MSRB3: variants seen among roughly 807,000 people sequenced by gnomAD.
MSRB3 encodes the protein methionine sulfoxide reductase B3.
A neutral mutation model predicts 21.0 loss-of-function variants in MSRB3; 13 were observed. The observed-to-expected ratio is 0.62, with a 90% CI of 0.40 to 0.98. The LOEUF (loss-of-function observed/expected upper bound fraction) is 0.98, where lower values mean the gene tolerates loss of function less well. Among genes scored for constraint, MSRB3 ranks in the 50% least tolerant of loss-of-function variants. The probability of loss-of-function intolerance (pLI) is 0.00; values close to 1 mark genes in which losing one functional copy is unlikely to be tolerated. For synonymous variants in MSRB3, 87 were observed against 88.6 expected (o/e 0.98, Z 0.10); for missense variants, 199 against 230.3 (o/e 0.86, Z 0.88).
chr12:65,442,300 T>TA (rs2136682434), intron 5 of MSRB3, among the ~76,000 whole-genome samples: 2 of 152,138 alleles, frequency 1.3e-5, no homozygotes, highest in South Asian at 4.2e-4. Context: ...ATCAGGTACA[T>TA]ATATTTATGA....
At chr12:65,303,700 G>C (rs550563199) in intron 1 of MSRB3, among the ~76,000 whole-genome samples, 2 of 152,086 alleles carry the variant, frequency 1.3e-5, no homozygotes, top group Non-Finnish European at 2.9e-5. Context: ...TGTCACTGTC[G>C]TTAAGGGGTT....
At chr12:65,454,659 A>G (rs1037943263) in intron 6 of MSRB3, among the ~76,000 whole-genome samples, 4 of 152,202 alleles carry the variant, frequency 2.6e-5, no homozygotes, top group African/African-American at 9.7e-5. Context: ...GCTACATGAG[A>G]TAAGGTAATT....
intron 1 of MSRB3, among the ~76,000 whole-genome samples, chr12:65,280,605 C>A (rs1220334248): frequency 6.6e-6 from 1 of 152,134 alleles, no homozygotes; most frequent in Non-Finnish European, 1.5e-5. Context: ...ATATATCAGT[C>A]TAATTTCTGA....
intron 5 of MSRB3, among the ~76,000 whole-genome samples, chr12:65,371,957 A>G (rs906165542): frequency 2.6e-5 from 4 of 152,212 alleles, no homozygotes; most frequent in African/African-American, 9.7e-5. Flanking sequence ...TAGTGTGATT[A>G]GCACCCATAT....
chr12:65,399,599 C>T (rs182271385), intron 5 of MSRB3, among the ~76,000 whole-genome samples: 4 of 152,314 alleles, frequency 2.6e-5, no homozygotes, highest in African/African-American at 9.6e-5. Context: ...TTATTTCCTT[C>T]TCTTGCCTGA....
chr12:65,284,266 A>C lies in MSRB3; in HGVS notation c.-52+5401A>C, dbSNP rs190862388. ...GGTTATATAATCCAATAGTTTAGAT[A>C]ATTAATTAAATTGGGAAATAAGTCA... On this transcript the variant is annotated intron_variant, in intron 1 of 6. Transcript: ENST00000308259. 2.6e-5 allele frequency: 4 copies of C among 152,342 alleles called. No homozygotes were observed. The East Asian group carries it at 5.8e-4, about 22-fold the overall frequency. 9.4% of individuals were successfully genotyped at this position (152,342 alleles called of 1,614,324 possible). A position where few individuals can be genotyped will look rare whatever the true frequency, so the allele number is the denominator to read the frequency against.
chr12:65,308,841 C>A (rs1466421409), intron 2 of MSRB3, 186 bp downstream of exon 2: 1 of 745,684 alleles, frequency 1.3e-6, no homozygotes, highest in African/African-American at 1.7e-5. Flanking sequence ...ACAATCCTTA[C>A]AACCCTTGGA....
intron 2 of MSRB3, among the ~76,000 whole-genome samples, chr12:65,313,642 C>T (rs1874122445): frequency 6.6e-6 from 1 of 152,072 alleles, no homozygotes; most frequent in Non-Finnish European, 1.5e-5. Flanking sequence ...CGGATCAGAA[C>T]ACCGTGTTTC....
In MSRB3 at chr12:65,418,745, C is replaced by A. The variant is rs1192122836; in HGVS notation, c.293-34983C>A. The A allele has an allele frequency of 3.6e-5, 33 of 924,070 alleles. No individual in the cohort carries two copies. The South Asian group carries it at 4.1e-4, about 11-fold the overall frequency. The allele number at this position is 924,070 out of a possible 1,614,324, so 57.2% of individuals were successfully genotyped here. The stretch of plus-strand genomic sequence containing the variant: ...GCTTAATGTCTCAGAACTTTGGTGT[C>A]ATTGATCTCAGACACCACTTTGCCA... On this transcript the variant is annotated intron_variant, in intron 5 of 6. Coordinates refer to ENST00000308259, the MANE Select transcript of MSRB3 (RefSeq NM_001031679.3).
intron 5 of MSRB3, among the ~76,000 whole-genome samples, chr12:65,389,655 A>G (rs1245997121): frequency 6.6e-6 from 1 of 151,958 alleles, no homozygotes; most frequent in Non-Finnish European, 1.5e-5. Context: ...TCTGTTATGT[A>G]CTTCATCATT....
intron 4 of MSRB3, among the ~76,000 whole-genome samples, chr12:65,336,894 TCAAA>T (rs1005922664): frequency 5.9e-5 from 9 of 152,192 alleles, no homozygotes; most frequent in Non-Finnish European, 1.2e-4. Flanking sequence ...CATAACATTG[TCAAA>T]CAAAGATACA....
At chr12:65,356,368 T>C (rs1877384739) in intron 4 of MSRB3, among the ~76,000 whole-genome samples, 2 of 151,966 alleles carry the variant, frequency 1.3e-5, no homozygotes, top group Non-Finnish European at 2.9e-5. Context: ...ACTTGTTTGG[T>C]TCTTAGTTCA....
chr12:65,429,461 G>C (rs1393166066), intron 5 of MSRB3, among the ~76,000 whole-genome samples: 1 of 152,098 alleles, frequency 6.6e-6, no homozygotes, highest in African/African-American at 2.4e-5. Flanking sequence ...AGAGTGGTTT[G>C]AGATGTGTTT....
At chr12:65,304,584 T>C (rs1028324909) in intron 1 of MSRB3, among the ~76,000 whole-genome samples, 2 of 152,176 alleles carry the variant, frequency 1.3e-5, no homozygotes, top group African/African-American at 4.8e-5. Flanking sequence ...TATCTGTAAA[T>C]GTCATTCATC....
intron 1 of MSRB3, among the ~76,000 whole-genome samples, chr12:65,292,197 G>A (rs1418377160): frequency 6.6e-6 from 1 of 152,130 alleles, no homozygotes; most frequent in Non-Finnish European, 1.5e-5. Context: ...CAGAGCGTTT[G>A]ATACACTGAC....
chr12:65,436,716 T>C (rs1156844505), intron 5 of MSRB3, among the ~76,000 whole-genome samples: 1 of 151,982 alleles, frequency 6.6e-6, no homozygotes, highest in Non-Finnish European at 1.5e-5. Context: ...TTTTCTAGCT[T>C]TCAGAAATGT....
At position 65,453,722 on chromosome 12, in the gene MSRB3, T is replaced by C. The variant is rs75990461; in HGVS notation, c.293-6T>C. The C allele has an allele frequency of 5.1e-3, 8,272 of 1,611,986 alleles. 394 individuals are homozygous for C. In the African/African-American group the frequency reaches 0.099, roughly 19 times the overall value. On this transcript the variant is annotated splice_region_variant and splice_polypyrimidine_tract_variant and intron_variant, in intron 5 of 6. Transcript: ENST00000308259. ...TGCTTTGATTCTTGTGCCTGCTGTG[T>C]CCCAGGTTGGCCTTCATTCCACGAT...
intron 5 of MSRB3, among the ~76,000 whole-genome samples, chr12:65,379,168 TTCCATCCATCCATCCA>T (rs58173378): frequency 3.0e-4 from 45 of 148,452 alleles, no homozygotes; most frequent in East Asian, 1.2e-3. Context: ...TCAACCATCC[TTCCATCCATCCATCCA>T]TCCATCCATC....
intron 2 of MSRB3, among the ~76,000 whole-genome samples, chr12:65,313,600 C>G (rs1391232339): frequency 6.6e-6 from 1 of 152,036 alleles, no homozygotes; most frequent in Non-Finnish European, 1.5e-5. Flanking sequence ...GACCTCTGTT[C>G]TAAAAGATGC....
Sources: allele counts gnomAD v4.1 joint callset (sites outside exome capture counted in the v4.1 genomes callset), GRCh38; gene constraint gnomAD v4.1.1; transcripts MANE v1.5; gene names NCBI Gene and HGNC (gene_info 2026-07-23, HGNC 2026-07-21).